The following AMER1 variants were observed in gnomAD, a reference collection of about 807,000 sequenced individuals.
AMER1 encodes the protein APC membrane recruitment protein 1.
AMER1 carries 16 observed loss-of-function variants against 53.0 expected under a neutral mutation model. That is an observed-to-expected ratio of 0.30 (90% CI 0.20 to 0.46). The LOEUF (loss-of-function observed/expected upper bound fraction) is 0.46. AMER1 is among the 20% of genes least tolerant of loss of function. The pLI, the probability that AMER1 is intolerant of heterozygous loss-of-function variation, is 1.00. For synonymous variants in AMER1, 354 were observed against 331.9 expected (o/e 1.07, Z -0.73); for missense variants, 947 against 884.9 (o/e 1.07, Z -0.89).
chrX:64,199,518 G>A (rs1019426665), intron 1 of AMER1, among the ~76,000 whole-genome samples: 1 of 111,779 alleles, frequency 8.9e-6, no homozygotes, highest in Admixed American at 9.5e-5. Flanking sequence ...TTGTGGTAAG[G>A]ATTAGAGATG....
chrX:64,189,459 T>C lies in AMER1; in HGVS notation c.*420A>G. 2 of 745,483 alleles carry C rather than the reference T, an allele frequency of 2.7e-6. No homozygotes were observed. Among genetic ancestry groups the C allele is most frequent in the South Asian group, 7.1e-5 (1 of 14,073 alleles). 61.4% of individuals were successfully genotyped at this position (745,483 alleles called of 1,213,427 possible). A position where few individuals can be genotyped will look rare whatever the true frequency, so the allele number is the denominator to read the frequency against. ...TGCATGCTATATATGTGTGTGCATG[T>C]GTGTTTGTGTGTGTGTGTGTATGTA... On this transcript the variant is annotated 3_prime_UTR_variant, in exon 2 of 2. Transcript: ENST00000374869.
rs371014578 is a variant in AMER1, at chrX:64,190,376, C to T, written c.2911G>A (p.Gly971Ser). 22 of 1,210,002 alleles carry T rather than the reference C, an allele frequency of 1.8e-5. No homozygotes were observed. The highest frequency in any genetic ancestry group is 2.3e-5 in the Non-Finnish European group (21 of 894,956). The change falls in exon 2 of 2, where the codon GGT becomes AGT. Residue 971 changes from glycine to serine, a missense_variant. Transcript: ENST00000374869. The stretch of plus-strand genomic sequence containing the variant: ...TGGTTGGGGCTTATCCAGGCAGGAC[C>T]TGGCCCCACTGGAAGAGGACAGGGA... ...WAPCPLPVGP[G>S]PAWISPNQLD...
rs757257940 is a variant in AMER1 at position 64,190,278 on chromosome X, T to G, written c.3009A>C (p.Ile1003=). The change falls in exon 2 of 2, where the codon ATA becomes ATC. Residue 1003 remains isoleucine (I), a synonymous_variant. Coordinates refer to ENST00000374869, the MANE Select transcript of AMER1 (RefSeq NM_152424.4). ...CCCTTGACTCTGGCACTGATAGTGATATTGACATGGTCATAGGAGGTATGC... is the reference window on the plus strand; with the variant it reads ...CCCTTGACTCTGGCACTGATAGTGAGATTGACATGGTCATAGGAGGTATGC... The part of the protein sequence containing the change: ...TCCIPPMTMS[I]SLSVPESRAP... 1 of 1,211,780 alleles carries G rather than the reference T, an allele frequency of 8.3e-7. No homozygotes were observed. Among genetic ancestry groups the G allele is most frequent in the Non-Finnish European group, 1.1e-6 (1 of 895,533 alleles).
Position 64,186,522 on chromosome X carries a change from G to A in AMER1, c.*3357C>T. 1 of 781,998 alleles carries A rather than the reference G, an allele frequency of 1.3e-6. No individual in the cohort carries two copies. The allele number at this position is 781,998 out of a possible 1,213,427, so 64.4% of individuals were successfully genotyped here. ...CTGCTAAACCCCATGCCTCCCTCTAGCAACTGGGCCTGGGGGCTGAGGGCA... is the reference window on the plus strand; with the variant it reads ...CTGCTAAACCCCATGCCTCCCTCTAACAACTGGGCCTGGGGGCTGAGGGCA... On this transcript the variant is annotated 3_prime_UTR_variant, in exon 2 of 2. Transcript: ENST00000374869.
chrX:64,186,620 T>C lies in AMER1; in HGVS notation c.*3259A>G. 1 of 773,650 alleles carries C rather than the reference T, an allele frequency of 1.3e-6. No homozygotes were observed. The highest frequency in any genetic ancestry group is 1.5e-6 in the Non-Finnish European group (1 of 650,826). 63.8% of individuals were successfully genotyped at this position (773,650 alleles called of 1,213,427 possible). On this transcript the variant is annotated 3_prime_UTR_variant, in exon 2 of 2. Coordinates refer to ENST00000374869, the MANE Select transcript of AMER1 (RefSeq NM_152424.4). Reference sequence around the variant, plus strand: ...GATGAAGGGTACACACCCAGCCTCCTGAGTGTGTGAAGCTACTTCCCTTCT... The same window carrying C: ...GATGAAGGGTACACACCCAGCCTCCCGAGTGTGTGAAGCTACTTCCCTTCT...
In AMER1 at chrX:64,187,201, T is replaced by G; in HGVS notation, c.*2678A>C. On this transcript the variant is annotated 3_prime_UTR_variant, in exon 2 of 2. Coordinates refer to ENST00000374869, the MANE Select transcript of AMER1 (RefSeq NM_152424.4). ...ACACCATGGGTCCCCAGACAGGTCT[T>G]CCTTCCTCCCCTAGGCTGCCATTGG... The G allele has an allele frequency of 8.9e-6, 7 of 787,282 alleles. No homozygotes were observed. The highest frequency in any genetic ancestry group is 1.1e-5 in the Non-Finnish European group (7 of 659,075). The allele number at this position is 787,282 out of a possible 1,213,427, so 64.9% of individuals were successfully genotyped here.
At position 64,191,725 on chromosome X, in the gene AMER1, C is replaced by T. The variant is rs777705870; in HGVS notation, c.1562G>A (p.Gly521Glu). ...PDDSLENSPP[G>E]DDCLYDLHGR... ...ATGGAGGTCATAAAGGCAGTCATCT[C>T]CAGGTGGAGAGTTCTCAAGGCTGTC... The change falls in exon 2 of 2, where the codon GGA becomes GAA. Residue 521 changes from glycine to glutamate, a missense_variant. By Grantham distance (98) the Gly-to-Glu change is moderately conservative. Coordinates refer to ENST00000374869, the MANE Select transcript of AMER1 (RefSeq NM_152424.4). 1 of 1,209,904 alleles carries T rather than the reference C, an allele frequency of 8.3e-7. No homozygotes were observed. The highest frequency in any genetic ancestry group is 1.1e-6 in the Non-Finnish European group (1 of 895,093).
chrX:64,205,537 AG>A (rs1930582996), intron 1 of AMER1, 32 bp downstream of exon 1: 1 of 113,075 alleles, frequency 8.8e-6, no homozygotes, highest in African/African-American at 3.2e-5. Flanking sequence ...GACCGCGGGC[AG>A]GCGGAGGCTC....
chrX:64,185,953 A>G lies in AMER1; in HGVS notation c.*3926T>C. On this transcript the variant is annotated 3_prime_UTR_variant, in exon 2 of 2. Coordinates refer to ENST00000374869, the MANE Select transcript of AMER1 (RefSeq NM_152424.4). ...AAATGCTCCTTTGGAGAAACTCAAC[A>G]AGACAAATAGCACAACATGGGCACT... 1 of 450,452 alleles carries G rather than the reference A, an allele frequency of 2.2e-6. No homozygotes were observed. Among genetic ancestry groups the G allele is most frequent in the South Asian group, 4.5e-5 (1 of 22,163 alleles). 37.1% of individuals were successfully genotyped at this position (450,452 alleles called of 1,213,427 possible).
Position 64,185,536 on chromosome X carries a change from C to T in AMER1, c.*4343G>A, listed in dbSNP as rs1930087230. The T allele has an allele frequency of 6.3e-6, 1 of 159,176 alleles. No homozygotes were observed. Among genetic ancestry groups the T allele is most frequent in the South Asian group, 3.7e-4 (1 of 2,680 alleles). The allele number at this position is 159,176 out of a possible 1,213,427, so 13.1% of individuals were successfully genotyped here. On this transcript the variant is annotated 3_prime_UTR_variant, in exon 2 of 2. Coordinates refer to ENST00000374869, the MANE Select transcript of AMER1 (RefSeq NM_152424.4). ...CACCTCTCAATAGACCCAACCCTCA[C>T]ACATATACATACCATGTGGATTTTC...
intron 1 of AMER1, among the ~76,000 whole-genome samples, chrX:64,201,157 T>G (rs1035909164): frequency 9.0e-6 from 1 of 111,096 alleles, no homozygotes; most frequent in Non-Finnish European, 1.9e-5. Context: ...CCATTGTTCA[T>G]ATTTTCCCCT....
rs1602064189 is a variant in AMER1, at chrX:64,185,299, C to G, written c.*4580G>C. Reference sequence around the variant, plus strand: ...GGAGAAGAGGAAGCTCAGGTACAGCCAGGGGCCACACTCCCCTTTCTGCAC... The same window carrying G: ...GGAGAAGAGGAAGCTCAGGTACAGCGAGGGGCCACACTCCCCTTTCTGCAC... On this transcript the variant is annotated 3_prime_UTR_variant, in exon 2 of 2. Coordinates refer to ENST00000374869, the MANE Select transcript of AMER1 (RefSeq NM_152424.4). 6.1e-6 allele frequency: 1 copy of G among 163,815 alleles called. No homozygotes were observed. The highest frequency in any genetic ancestry group is 9.0e-5 in the East Asian group (1 of 11,065). 13.5% of individuals were successfully genotyped at this position (163,815 alleles called of 1,213,427 possible).
At position 64,186,651 on chromosome X, in the gene AMER1, T is replaced by G; in HGVS notation, c.*3228A>C. The G allele has an allele frequency of 1.3e-6, 1 of 773,347 alleles. No individual in the cohort carries two copies. The highest frequency in any genetic ancestry group is 1.5e-6 in the Non-Finnish European group (1 of 650,546). The allele number at this position is 773,347 out of a possible 1,213,427, so 63.7% of individuals were successfully genotyped here. Reference sequence around the variant, plus strand: ...TGTGAAGCTACTTCCCTTCTTGGCATAGGACTAAGGAGGGAGAGAGACTGG... The same window carrying G: ...TGTGAAGCTACTTCCCTTCTTGGCAGAGGACTAAGGAGGGAGAGAGACTGG... On this transcript the variant is annotated 3_prime_UTR_variant, in exon 2 of 2. Coordinates refer to ENST00000374869, the MANE Select transcript of AMER1 (RefSeq NM_152424.4).
chrX:64,202,294 C>T (rs1298429779), intron 1 of AMER1, among the ~76,000 whole-genome samples: 1 of 111,875 alleles, frequency 8.9e-6, no homozygotes, highest in Non-Finnish European at 1.9e-5. Context: ...GAGAGGCTCC[C>T]CTTATGAAGT....
Position 64,189,794 on chromosome X carries a change from C to CGGCG in AMER1, c.*84_*85insCGCC. 1 of 301,687 alleles carries CGGCG rather than the reference C, an allele frequency of 3.3e-6. No homozygotes were observed. The highest frequency in any genetic ancestry group is 4.3e-6 in the Non-Finnish European group (1 of 232,765). 24.9% of individuals were successfully genotyped at this position (301,687 alleles called of 1,213,427 possible). On this transcript the variant is annotated 3_prime_UTR_variant, in exon 2 of 2. Coordinates refer to ENST00000374869, the MANE Select transcript of AMER1 (RefSeq NM_152424.4). ...AAAGGGTTTTCAAGTTAAACAACAACCCCCACCCCCCCACCCTTCTGCCCA... is the reference window on the plus strand; with the variant it reads ...AAAGGGTTTTCAAGTTAAACAACAACGGCGCCCCACCCCCCCACCCTTCTGCCCA...
Position 64,188,966 on chromosome X carries a change from A to T in AMER1, c.*913T>A. ...CAACTCAGGTAGTCACAAGCTTAAA[A>T]GAAGGAAAAAAAATCCTATCATTCC... On this transcript the variant is annotated 3_prime_UTR_variant, in exon 2 of 2. Transcript: ENST00000374869. 1 of 808,229 alleles carries T rather than the reference A, an allele frequency of 1.2e-6. No homozygotes were observed. The highest frequency in any genetic ancestry group is 1.5e-6 in the Non-Finnish European group (1 of 672,257). 66.6% of individuals were successfully genotyped at this position (808,229 alleles called of 1,213,427 possible). A position where few individuals can be genotyped will look rare whatever the true frequency, so the allele number is the denominator to read the frequency against.
chrX:64,194,620 T>C (rs1181550691), intron 1 of AMER1, among the ~76,000 whole-genome samples: 1 of 110,445 alleles, frequency 9.1e-6, no homozygotes, highest in African/African-American at 3.3e-5. Context: ...GATGGGGGAA[T>C]CTGGGAGGAG....
At position 64,191,412 on chromosome X, in the gene AMER1, G is replaced by A. The variant is rs2147087261; in HGVS notation, c.1875C>T (p.Thr625=). 8.3e-7 allele frequency: 1 copy of A among 1,211,949 alleles called. No homozygotes were observed. The highest frequency in any genetic ancestry group is 1.1e-6 in the Non-Finnish European group (1 of 895,496). The change falls in exon 2 of 2, where the codon ACC becomes ACT. Residue 625 remains threonine (T), a synonymous_variant. Coordinates refer to ENST00000374869, the MANE Select transcript of AMER1 (RefSeq NM_152424.4). ...GAACCTCTCGGGCCTGGGCTTCTCGGGTTCTGGCCTCCCTGCCATGAGCTT... is the reference window on the plus strand; with the variant it reads ...GAACCTCTCGGGCCTGGGCTTCTCGAGTTCTGGCCTCCCTGCCATGAGCTT... ...TWEAHGREAR[T]REAQAREVRC...
intron 1 of AMER1, among the ~76,000 whole-genome samples, chrX:64,204,695 C>A (rs1036617694): frequency 8.8e-5 from 10 of 113,159 alleles, no homozygotes; most frequent in Non-Finnish European, 1.9e-4. Flanking sequence ...AAACGGGAGG[C>A]TGGAGAGGAA....
Sources: gnomAD v4.1 joint callset for allele counts (sites outside exome capture counted in the v4.1 genomes callset) on GRCh38, gnomAD v4.1.1 for gene constraint, MANE v1.5 for transcripts, NCBI Gene and HGNC (gene_info 2026-07-23, HGNC 2026-07-21) for gene names.